The following PXK variants were observed in gnomAD, a reference collection of about 807,000 sequenced individuals.
The protein encoded by PXK is PX domain containing serine/threonine kinase like, also known as PX domain-containing protein kinase-like protein.
A neutral mutation model predicts 84.7 loss-of-function variants in PXK; 35 were observed. That is an observed-to-expected ratio of 0.41 (90% CI 0.32 to 0.55). The LOEUF (loss-of-function observed/expected upper bound fraction) is 0.55, where lower values mean the gene tolerates loss of function less well. Ranked by LOEUF, PXK falls within the 20% of genes least tolerant of loss-of-function variation. PXK has a pLI of 0.21. For missense variants in PXK, 634 were observed against 699.7 expected (o/e 0.91, Z 1.06); for synonymous variants, 253 against 260.8 (o/e 0.97, Z 0.29).
chr3:58,351,137 A>G (rs1194751909), intron 1 of PXK, among the ~76,000 whole-genome samples: 1 of 152,224 alleles, frequency 6.6e-6, no homozygotes, highest in Non-Finnish European at 1.5e-5. Flanking sequence ...TGCATTTATC[A>G]TTGATAACAT....
Position 58,383,790 on chromosome 3 carries a change from C to T in PXK, c.388+1090C>T, listed in dbSNP as rs1255277837. ...TGCTTTAGAGACTTTCTAAGTGGAACTATGGATATTGTTACTTTGCTTGCT... is the reference window on the plus strand; with the variant it reads ...TGCTTTAGAGACTTTCTAAGTGGAATTATGGATATTGTTACTTTGCTTGCT... On this transcript the variant is annotated intron_variant, in intron 4 of 17. Coordinates refer to ENST00000356151, the MANE Select transcript of PXK (RefSeq NM_017771.5). The surrounding 1 kb of genome is among the most constrained non-coding windows in gnomAD (Gnocchi z 4.0). Among the ~76,000 whole-genome samples the T allele has an allele frequency of 6.6e-6, 1 of 152,194 alleles. No homozygotes were observed. The highest frequency in any genetic ancestry group is 2.4e-5 in the African/African-American group (1 of 41,450).
intron 3 of PXK, among the ~76,000 whole-genome samples, chr3:58,376,950 T>C (rs2098448507): frequency 1.3e-5 from 2 of 152,188 alleles, no homozygotes; most frequent in Admixed American, 1.3e-4. Flanking sequence ...TACCCTTGAT[T>C]TAATTCATCA....
chr3:58,381,146 G>C (rs897754146), intron 3 of PXK, among the ~76,000 whole-genome samples: 5 of 151,884 alleles, frequency 3.3e-5, no homozygotes, highest in African/African-American at 1.2e-4. Flanking sequence ...CTACTTGGGA[G>C]GCTGAGGCAG....
At chr3:58,356,977 T>C (rs988864875) in intron 1 of PXK, among the ~76,000 whole-genome samples, 1 of 150,680 alleles carries the variant, frequency 6.6e-6, no homozygotes, top group African/African-American at 2.4e-5. Flanking sequence ...GGTTGGTATA[T>C]CGAGCAATCT....
intron 4 of PXK, among the ~76,000 whole-genome samples, chr3:58,387,130 G>A (rs896580980): frequency 1.3e-5 from 2 of 152,144 alleles, no homozygotes; most frequent in Non-Finnish European, 2.9e-5. Flanking sequence ...CACTGGGGGC[G>A]CCTGGTACAA....
intron 7 of PXK, among the ~76,000 whole-genome samples, chr3:58,393,890 A>C (rs2106993481): frequency 6.6e-6 from 1 of 152,298 alleles, no homozygotes; most frequent in South Asian, 2.1e-4. Flanking sequence ...CTTTTAAAAA[A>C]ATTTATATTA....
In PXK at chr3:58,397,312, GCCTTGCCCGTCAGC is replaced by G. The variant is rs2057840672; in HGVS notation, c.984+119_984+132del. The G allele has an allele frequency of 1.5e-6, 2 of 1,306,848 alleles. No homozygotes were observed. The highest frequency in any genetic ancestry group is 4.6e-5 in the East Asian group (2 of 43,272). 81.0% of individuals were successfully genotyped at this position (1,306,848 alleles called of 1,614,324 possible). On this transcript the variant is annotated intron_variant, in intron 10 of 17. Coordinates refer to ENST00000356151, the MANE Select transcript of PXK (RefSeq NM_017771.5). This position sits in a 1 kb window ranked among gnomAD's most constrained non-coding sequence, Gnocchi z 4.7. ...GTAGTGAAAGGTATAGTTGGGACAG[GCCTTGCCCGTCAGC>G]CCTTGCAGCGTTGCTGTATCTCTGG...
In PXK at chr3:58,409,640, A is replaced by G; in HGVS notation, c.1395+22A>G. On this transcript the variant is annotated intron_variant, in intron 15 of 17. Coordinates refer to ENST00000356151, the MANE Select transcript of PXK (RefSeq NM_017771.5). This position sits in a 1 kb window ranked among gnomAD's most constrained non-coding sequence, Gnocchi z 4.2. ...AAAGGTAAGCCTGCTGTCTCTCTGC[A>G]GTCCCTCTATGAGTTCTTGAGTACA... is the stretch of plus-strand genomic sequence containing the variant. 6.3e-7 allele frequency: 1 copy of G among 1,585,150 alleles called. No homozygotes were observed. Among genetic ancestry groups the G allele is most frequent in the South Asian group, 1.1e-5 (1 of 89,414 alleles).
intron 7 of PXK, 124 bp downstream of exon 7, chr3:58,391,971 T>C (rs2098636280): frequency 2.4e-6 from 2 of 843,144 alleles, no homozygotes; most frequent in African/African-American, 3.4e-5. Flanking sequence ...CAGGTCAGAC[T>C]GAAATTGTGT....
Position 58,425,166 on chromosome 3 carries a change from C to T in PXK, c.*206C>T. 1 of 746,080 alleles carries T rather than the reference C, an allele frequency of 1.3e-6. No homozygotes were observed. The highest frequency in any genetic ancestry group is 2.1e-6 in the Non-Finnish European group (1 of 477,774). The allele number at this position is 746,080 out of a possible 1,614,324, so 46.2% of individuals were successfully genotyped here. A position where few individuals can be genotyped will look rare whatever the true frequency, so the allele number is the denominator to read the frequency against. On this transcript the variant is annotated 3_prime_UTR_variant, in exon 18 of 18. Transcript: ENST00000356151. ...TAGGCTGGCATTGCTCCCTTAAGAT[C>T]TTGCTCCTTTATTAACCCTGTAAAG...
rs1294137981 is a variant in PXK at position 58,409,992 on chromosome 3, G to C, written c.1396-98G>C. 1.3e-6 allele frequency: 1 copy of C among 758,876 alleles called. No homozygotes were observed. Among genetic ancestry groups the C allele is most frequent in the African/African-American group, 1.7e-5 (1 of 58,188 alleles). 47.0% of individuals were successfully genotyped at this position (758,876 alleles called of 1,614,324 possible). On this transcript the variant is annotated intron_variant, in intron 15 of 17. Coordinates refer to ENST00000356151, the MANE Select transcript of PXK (RefSeq NM_017771.5). This position sits in a 1 kb window ranked among gnomAD's most constrained non-coding sequence, Gnocchi z 4.2. ...TTACCTTGTCTGCAGCTAGTTTAAT[G>C]GTATGCCTGGAAAATATTTTTATTC...
intron 17 of PXK, chr3:58,422,073 T>A: frequency 1.0e-6 from 1 of 985,364 alleles, no homozygotes. Flanking sequence ...TGGCCCTTGT[T>A]GCCCCTGCCC....
intron 17 of PXK, chr3:58,413,317 C>T (rs926399142): frequency 7.1e-6 from 2 of 282,638 alleles, no homozygotes; most frequent in Non-Finnish European, 1.4e-5. Flanking sequence ...CCCGTCCTGC[C>T]AGGCCTCTCT....
chr3:58,371,385 C>T lies in PXK; in HGVS notation c.201+1907C>T, dbSNP rs868408431. On this transcript the variant is annotated intron_variant, in intron 3 of 17. Transcript: ENST00000356151. ...GGATTTTCTCCTCAAGCCCTCCTCT[C>T]CCCAGTGCAGTGGCCCATGTGACAT... Among the ~76,000 whole-genome samples, 8 of 152,324 alleles carry T rather than the reference C, an allele frequency of 5.3e-5. No individual in the cohort carries two copies. The South Asian group carries it at 1.2e-3, about 24-fold the overall frequency.
intron 3 of PXK, 134 bp downstream of exon 3, chr3:58,369,612 G>A: frequency 1.6e-6 from 1 of 625,736 alleles, no homozygotes; most frequent in Non-Finnish European, 2.8e-6. Context: ...GATCACCTGA[G>A]GTCAGGCGTT....
intron 1 of PXK, among the ~76,000 whole-genome samples, chr3:58,340,334 G>T (rs1427806975): frequency 6.6e-6 from 1 of 151,260 alleles, no homozygotes; most frequent in Non-Finnish European, 1.5e-5. Context: ...TGTTGCCCAG[G>T]CTGGTCCCAA....
chr3:58,403,151 C>A (rs749801613), intron 12 of PXK, among the ~76,000 whole-genome samples: 3 of 151,898 alleles, frequency 2.0e-5, no homozygotes, highest in Non-Finnish European at 4.4e-5. Flanking sequence ...ACAATAGGCA[C>A]GCACCACCAC....
intron 17 of PXK, chr3:58,422,455 T>C: frequency 8.1e-6 from 8 of 985,432 alleles, no homozygotes; most frequent in Non-Finnish European, 9.6e-6. Flanking sequence ...GCCTGTCCTT[T>C]CGTTCCATCT....
chr3:58,408,768 C>T lies in PXK; in HGVS notation c.1231-156C>T, dbSNP rs1025369448. On this transcript the variant is annotated intron_variant, in intron 13 of 17. Transcript: ENST00000356151. ...CCATCTCCTGACCGCGTGATCCGCC[C>T]GCCTTGGCCTCTCAAAGTCCTGGGA... Among the ~76,000 whole-genome samples the T allele has an allele frequency of 6.6e-4, 100 of 152,120 alleles. 2 individuals carry two copies. Among genetic ancestry groups the T allele is most frequent in the Non-Finnish European group, 1.5e-4 (10 of 68,020 alleles).
Sources: gnomAD v4.1 joint callset for allele counts (sites outside exome capture counted in the v4.1 genomes callset) on GRCh38, gnomAD v4.1.1 for gene constraint, Gnocchi (gnomAD v3.1) non-coding constraint, MANE v1.5 for transcripts, NCBI Gene and HGNC (gene_info 2026-07-23, HGNC 2026-07-21) for gene names.